Variants in CSMD3 observed in about 807,000 individuals in gnomAD.
CSMD3 encodes CUB and Sushi multiple domains 3, also known as CUB and sushi domain-containing protein 3.
A neutral mutation model predicts 435.2 loss-of-function variants in CSMD3; 177 were observed. The observed-to-expected ratio is 0.41, with a 90% CI of 0.36 to 0.46. The LOEUF (loss-of-function observed/expected upper bound fraction) is 0.46, where lower values mean the gene tolerates loss of function less well. Ranked by LOEUF, CSMD3 falls within the 20% of genes least tolerant of loss-of-function variation. The pLI is 0.34. For synonymous variants in CSMD3, 1,656 were observed against 1,520.5 expected, an observed-to-expected ratio of 1.09 and a Z score of -2.07; for missense variants, 4,265 against 4,504.6, an observed-to-expected ratio of 0.95 and a Z score of 1.52.
intron 13 of CSMD3, among the ~76,000 whole-genome samples, chr8:112,734,563 C>A (rs980311754): frequency 6.6e-6 from 1 of 151,948 alleles, no homozygotes; most frequent in Admixed American, 6.6e-5. Flanking sequence ...ATTAGTTCTT[C>A]TAATCGGGGC....
chr8:113,329,579 T>C (rs189101447), intron 1 of CSMD3, among the ~76,000 whole-genome samples: 2 of 152,180 alleles, frequency 1.3e-5, no homozygotes, highest in East Asian at 1.9e-4. Context: ...GCAAGGATAT[T>C]TGGGTGGGAA....
intron 42 of CSMD3, among the ~76,000 whole-genome samples, chr8:112,339,200 A>T (rs1824858367): frequency 6.6e-6 from 1 of 152,080 alleles, no homozygotes; most frequent in African/African-American, 2.4e-5. Context: ...TCGTTTGCAC[A>T]GAAGTATAAC....
intron 32 of CSMD3, among the ~76,000 whole-genome samples, chr8:112,470,606 G>C (rs757911056): frequency 2.6e-5 from 4 of 151,822 alleles, no homozygotes; most frequent in African/African-American, 4.8e-5. Context: ...TAAGCATGAA[G>C]TATGTTAGAC....
At chr8:112,559,648 C>T (rs1828436876) in intron 24 of CSMD3, among the ~76,000 whole-genome samples, 2 of 151,558 alleles carry the variant, frequency 1.3e-5, no homozygotes, top group South Asian at 4.2e-4. Context: ...GCTAAAAATC[C>T]CAACAGTCTT....
intron 1 of CSMD3, among the ~76,000 whole-genome samples, chr8:113,347,122 A>G (rs2094156952): frequency 6.6e-6 from 1 of 152,132 alleles, no homozygotes; most frequent in Non-Finnish European, 1.5e-5. Flanking sequence ...AAATAAATAA[A>G]TAAATAAATC....
At chr8:112,931,999 G>A (rs1305185870) in intron 9 of CSMD3, among the ~76,000 whole-genome samples, 1 of 152,116 alleles carries the variant, frequency 6.6e-6, no homozygotes, top group African/African-American at 2.4e-5. Flanking sequence ...TGTTGGTGGA[G>A]ATGTAAATTA....
intron 1 of CSMD3, chr8:113,377,202 T>G (rs547090278): frequency 8.9e-7 from 1 of 1,124,516 alleles, no homozygotes; most frequent in South Asian, 2.0e-5. Context: ...GGCCGGAAGT[T>G]CGAGCGCGCG....
intron 65 of CSMD3, among the ~76,000 whole-genome samples, chr8:112,242,951 A>C (rs911646922): frequency 6.6e-6 from 1 of 152,122 alleles, no homozygotes; most frequent in African/African-American, 2.4e-5. Flanking sequence ...TTAGAAAATC[A>C]TAAGTAGAAA....
At chr8:113,109,431 G>A (rs1334302035) in intron 4 of CSMD3, among the ~76,000 whole-genome samples, 1 of 152,140 alleles carries the variant, frequency 6.6e-6, no homozygotes, top group Non-Finnish European at 1.5e-5. Context: ...AATGATATCT[G>A]CTTCTAAAAT....
rs2132671262 is a variant in CSMD3, at chr8:113,314,738, G to A, written c.234C>T (p.Ser78=). Residue 78 remains serine, a synonymous_variant, in exon 2 of 71, where the codon AGC becomes AGT. Coordinates refer to ENST00000297405, the MANE Select transcript of CSMD3 (RefSeq NM_198123.2). Reference sequence around the variant, plus strand: ...TTGGATATCCATATGGAAAACCAGGGCTTTCTATAGTGCCATTAAGTCCTT... The same window carrying A: ...TTGGATATCCATATGGAAAACCAGGACTTTCTATAGTGCCATTAAGTCCTT... ...TLKGLNGTIE[S]PGFPYGYPNG... The A allele has an allele frequency of 6.2e-7, 1 of 1,613,032 alleles. No individual in the cohort carries two copies. Among genetic ancestry groups the A allele is most frequent in the Non-Finnish European group, 8.5e-7 (1 of 1,179,386 alleles).
chr8:112,927,175 T>C (rs1275690949), intron 9 of CSMD3, among the ~76,000 whole-genome samples: 2 of 152,244 alleles, frequency 1.3e-5, no homozygotes, highest in East Asian at 1.9e-4. Context: ...CATTAGAATA[T>C]CTAAGGTTAT....
intron 1 of CSMD3, among the ~76,000 whole-genome samples, chr8:113,410,900 T>TGAAAGAAAGAAAGAAA (rs60929996): frequency 0.074 from 7,754 of 105,376 alleles, 367 homozygotes; most frequent in Middle Eastern, 0.11. Flanking sequence ...CAAAACCCTG[T>TGAAAGAAAGAAAGAAA]GAAAGAAAGA....
At chr8:112,531,360 C>T (rs1825518425) in intron 27 of CSMD3, among the ~76,000 whole-genome samples, 1 of 152,156 alleles carries the variant, frequency 6.6e-6, no homozygotes, top group Non-Finnish European at 1.5e-5. Context: ...TATCAATAAA[C>T]ATCAGCAGCA....
chr8:112,226,712 G>T (rs1812594513), intron 70 of CSMD3, among the ~76,000 whole-genome samples: 1 of 151,962 alleles, frequency 6.6e-6, no homozygotes, highest in Non-Finnish European at 1.5e-5. Flanking sequence ...AACCAAATAA[G>T]ACAAACAACC....
At chr8:113,312,193 T>G (rs1298043117) in intron 2 of CSMD3, 1 of 152,158 alleles carries the variant, frequency 6.6e-6, no homozygotes, top group African/African-American at 2.4e-5. Flanking sequence ...TTCTGCCTTT[T>G]GCCACTTTCA....
At chr8:112,925,381 A>AC (rs1244454177) in intron 9 of CSMD3, among the ~76,000 whole-genome samples, 1 of 151,762 alleles carries the variant, frequency 6.6e-6, no homozygotes, top group Non-Finnish European at 1.5e-5. Flanking sequence ...ACACGGTGAG[A>AC]CCCCGTCTCT....
intron 14 of CSMD3, among the ~76,000 whole-genome samples, chr8:112,689,119 C>T (rs2076076431): frequency 1.3e-5 from 2 of 151,934 alleles, no homozygotes; most frequent in South Asian, 4.1e-4. Flanking sequence ...AGAACTAAAA[C>T]AAAAGGGGAC....
At chr8:112,598,766 G>A (rs1208438203) in intron 22 of CSMD3, among the ~76,000 whole-genome samples, 1 of 151,898 alleles carries the variant, frequency 6.6e-6, no homozygotes, top group Non-Finnish European at 1.5e-5. Context: ...CAAGAAATGG[G>A]GAAAGGATTC....
At chr8:113,232,352 T>C (rs2093098127) in intron 3 of CSMD3, among the ~76,000 whole-genome samples, 1 of 151,746 alleles carries the variant, frequency 6.6e-6, no homozygotes, top group Non-Finnish European at 1.5e-5. Flanking sequence ...TCTTATTTTC[T>C]CTCTTTTCCA....
Sources: gnomAD v4.1 joint callset for allele counts (sites outside exome capture counted in the v4.1 genomes callset) on GRCh38, gnomAD v4.1.1 for gene constraint, MANE v1.5 for transcripts, NCBI Gene and HGNC (gene_info 2026-07-23, HGNC 2026-07-21) for gene names.